Variants in FHOD3 observed in about 807,000 individuals in gnomAD.
The protein encoded by FHOD3 is FH1/FH2 domain-containing protein 3.
FHOD3 carries 90 observed loss-of-function variants against 173.0 expected under a neutral mutation model. The ratio of observed to expected loss-of-function variants is 0.52; its 90% confidence interval spans 0.44 to 0.62. FHOD3 has a LOEUF of 0.62. Ranked by LOEUF, FHOD3 falls within the 20% of genes least tolerant of loss-of-function variation. The pLI, the probability that FHOD3 is intolerant of heterozygous loss-of-function variation, is 0.00. For synonymous variants in FHOD3, 828 were observed against 823.0 expected, an observed-to-expected ratio of 1.01 and a Z score of -0.10; for missense variants, 1,945 against 2,034.7, an observed-to-expected ratio of 0.96 and a Z score of 0.85.
chr18:36,356,187 T>C (rs573010884), intron 2 of FHOD3, among the ~76,000 whole-genome samples: 1 of 152,372 alleles, frequency 6.6e-6, no homozygotes, highest in South Asian at 2.1e-4. Context: ...TACTGGATAG[T>C]TTCTTAGCAG....
chr18:36,512,103 C>T (rs1205254688), intron 4 of FHOD3, among the ~76,000 whole-genome samples: 2 of 152,226 alleles, frequency 1.3e-5, no homozygotes, highest in African/African-American at 4.8e-5. Flanking sequence ...TTCTCCGTGG[C>T]CAGTCCCTTG....
chr18:36,615,134 G>A (rs566339441), intron 9 of FHOD3, among the ~76,000 whole-genome samples: 2 of 152,250 alleles, frequency 1.3e-5, no homozygotes, highest in East Asian at 3.9e-4. Context: ...AAGGGCATGA[G>A]CCACCGCGCC....
rs578020139 is a variant in FHOD3 at position 36,469,211 on chromosome 18, A to G, written c.338-32721A>G. On this transcript the variant is annotated intron_variant, in intron 3 of 28. Coordinates refer to ENST00000590592, the MANE Select transcript of FHOD3 (RefSeq NM_001281740.3). ...CCTATCACCAGGTATAGAGCTATAC[A>G]CAATAAGCAAATATTGACCCTCTCA... Among the ~76,000 whole-genome samples the G allele has an allele frequency of 1.2e-4, 19 of 152,290 alleles. 2 individuals are homozygous for G. Among genetic ancestry groups the G allele is most frequent in the African/African-American group, 4.1e-4 (17 of 41,550 alleles).
chr18:36,667,880 C>T (rs2037285017), intron 14 of FHOD3, among the ~76,000 whole-genome samples: 1 of 152,146 alleles, frequency 6.6e-6, no homozygotes, highest in Non-Finnish European at 1.5e-5. Flanking sequence ...TCTATGGAAC[C>T]ACTATCTTGT....
At chr18:36,541,237 G>A (rs576920858) in intron 5 of FHOD3, among the ~76,000 whole-genome samples, 72 of 119,520 alleles carry the variant, frequency 6.0e-4, no homozygotes, top group African/African-American at 9.9e-4. Flanking sequence ...GCGACAGAGC[G>A]AGACTCTGTC....
intron 5 of FHOD3, among the ~76,000 whole-genome samples, chr18:36,551,391 GA>G (rs2057648175): frequency 1.3e-5 from 2 of 151,980 alleles, no homozygotes; most frequent in Admixed American, 6.6e-5. Flanking sequence ...GATGAGTTGG[GA>G]AATATTTGCC....
chr18:36,772,595 T>A (rs2043434855), intron 28 of FHOD3, among the ~76,000 whole-genome samples: 1 of 152,248 alleles, frequency 6.6e-6, no homozygotes, highest in African/African-American at 2.4e-5. Context: ...GATAATTAAA[T>A]GTCTGCTTTC....
chr18:36,586,689 T>G (rs2059044466), intron 6 of FHOD3, among the ~76,000 whole-genome samples: 1 of 151,778 alleles, frequency 6.6e-6, no homozygotes, highest in South Asian at 2.1e-4. Context: ...GATTCCACCA[T>G]GTTGGTCAGG....
chr18:36,678,524 CAAAAAAAAA>C (rs58064190), intron 14 of FHOD3, among the ~76,000 whole-genome samples: 2 of 71,164 alleles, frequency 2.8e-5, no homozygotes, highest in South Asian at 6.0e-4. Flanking sequence ...GACCCTGTCT[CAAAAAAAAA>C]AAAAAAAAAA....
intron 5 of FHOD3, among the ~76,000 whole-genome samples, chr18:36,524,263 C>T (rs1483854663): frequency 2.1e-5 from 3 of 140,900 alleles, no homozygotes; most frequent in African/African-American, 8.0e-5. Flanking sequence ...GCCTGGGTGA[C>T]AGAGTGAGGC....
chr18:36,532,706 G>A (rs369339057), intron 5 of FHOD3, among the ~76,000 whole-genome samples: 4 of 152,084 alleles, frequency 2.6e-5, no homozygotes, highest in East Asian at 1.9e-4. Context: ...GGGTTCCCTC[G>A]GAGACCCACC....
chr18:36,516,510 G>A (rs183905101), intron 5 of FHOD3, among the ~76,000 whole-genome samples: 19 of 152,320 alleles, frequency 1.2e-4, no homozygotes, highest in African/African-American at 3.4e-4. Context: ...TGAGAGCCCC[G>A]TGTGGGAGAA....
chr18:36,631,347 CTA>C (rs1057032140), intron 10 of FHOD3, among the ~76,000 whole-genome samples: 1 of 152,166 alleles, frequency 6.6e-6, no homozygotes, highest in African/African-American at 2.4e-5. Flanking sequence ...CCCAAAATAG[CTA>C]TGTGCCAATT....
intron 2 of FHOD3, among the ~76,000 whole-genome samples, chr18:36,356,429 A>C (rs1316087402): frequency 6.6e-6 from 1 of 152,216 alleles, no homozygotes; most frequent in African/African-American, 2.4e-5. Context: ...ATCAGCAGCC[A>C]TTCTTATATT....
chr18:36,358,511 A>G lies in FHOD3; in HGVS notation c.272+2866A>G, dbSNP rs115990636. ...CATCACTTGGCCATGAGTCCATCCA[A>G]TAGGTAGAGGTTGAATCCCATTTCT... On this transcript the variant is annotated intron_variant, in intron 2 of 28. Coordinates refer to ENST00000590592, the MANE Select transcript of FHOD3 (RefSeq NM_001281740.3). Among the ~76,000 whole-genome samples, 1,272 of 152,246 alleles carry G rather than the reference A, an allele frequency of 8.4e-3. 15 individuals are homozygous for G. The highest frequency in any genetic ancestry group is 0.028 in the African/African-American group (1,184 of 41,552).
At chr18:36,479,075 C>A (rs571993984) in intron 3 of FHOD3, among the ~76,000 whole-genome samples, 1 of 152,190 alleles carries the variant, frequency 6.6e-6, no homozygotes, top group African/African-American at 2.4e-5. Context: ...TCGCTTCCTG[C>A]GTGTCCCTTT....
intron 3 of FHOD3, among the ~76,000 whole-genome samples, chr18:36,469,487 T>C (rs1223605773): frequency 6.6e-6 from 1 of 152,196 alleles, no homozygotes; most frequent in Non-Finnish European, 1.5e-5. Context: ...GCAGGCTGGC[T>C]GGGCTCTCTT....
intron 19 of FHOD3, among the ~76,000 whole-genome samples, chr18:36,720,239 T>TTC (rs1015098788): frequency 3.4e-5 from 5 of 147,012 alleles, no homozygotes; most frequent in Non-Finnish European, 6.0e-5. Flanking sequence ...TCCAATTCTT[T>TTC]TTTTTTTTTT....
intron 26 of FHOD3, among the ~76,000 whole-genome samples, chr18:36,760,171 GA>G (rs2150260226): frequency 6.6e-6 from 1 of 152,280 alleles, no homozygotes; most frequent in Admixed American, 6.5e-5. Flanking sequence ...TGATACTTAA[GA>G]AAAATTTAAC....
Sources: gnomAD v4.1 joint callset for allele counts (sites outside exome capture counted in the v4.1 genomes callset) on GRCh38, gnomAD v4.1.1 for gene constraint, MANE v1.5 for transcripts, NCBI Gene and HGNC (gene_info 2026-07-23, HGNC 2026-07-21) for gene names.